Variants in COL12A1 observed in about 807,000 individuals in gnomAD.
COL12A1 encodes collagen type XII alpha 1 chain.
In COL12A1, 114 loss-of-function variants were observed where a neutral mutation model predicts 349.7. The ratio of observed to expected loss-of-function variants is 0.33; its 90% CI spans 0.28 to 0.38. The LOEUF is 0.38. COL12A1 is among the 10% of genes least tolerant of loss of function. COL12A1 has a pLI of 1.00. For missense variants in COL12A1, 3,284 were observed against 3,756.9 expected (o/e 0.87, Z 3.29); for synonymous variants, 1,369 against 1,329.0 (o/e 1.03, Z -0.66).
In COL12A1 at chr6:75,191,762, T is replaced by G; in HGVS notation, c.335-2A>C. On this transcript the variant is annotated splice_acceptor_variant, in intron 4 of 65. Coordinates refer to ENST00000322507, the MANE Select transcript of COL12A1 (RefSeq NM_004370.6). LOFTEE classifies it high-confidence loss of function. Reference sequence around the variant, plus strand: ...GCTTTGTCGAACTACCTGTTTGAACTAAGTTAAAACTTTATTATTACAAAA... The same window carrying G: ...GCTTTGTCGAACTACCTGTTTGAACGAAGTTAAAACTTTATTATTACAAAA... The G allele has an allele frequency of 1.3e-6, 2 of 1,588,222 alleles. No individual in the cohort carries two copies. The highest frequency in any genetic ancestry group is 1.7e-6 in the Non-Finnish European group (2 of 1,166,830).
intron 14 of COL12A1, among the ~76,000 whole-genome samples, chr6:75,158,078 C>A (rs899652713): frequency 2.0e-5 from 3 of 152,074 alleles, no homozygotes; most frequent in Non-Finnish European, 4.4e-5. Context: ...TTCACAAAAT[C>A]TGACATCTAA....
At chr6:75,188,933 G>A (rs569928009) in intron 7 of COL12A1, among the ~76,000 whole-genome samples, 4 of 152,172 alleles carry the variant, frequency 2.6e-5, no homozygotes, top group South Asian at 2.1e-4. Flanking sequence ...ATACAAGGAG[G>A]ATCTTTATTA....
chr6:75,134,868 G>A lies in COL12A1; in HGVS notation c.5395-13C>T. ...CTCCTATTGTGGTCTTGAGTAAAAAGGGTCTTGGTAAGTGTCAGCCTTGCT... is the reference window on the plus strand; with the variant it reads ...CTCCTATTGTGGTCTTGAGTAAAAAAGGTCTTGGTAAGTGTCAGCCTTGCT... On this transcript the variant is annotated splice_polypyrimidine_tract_variant and intron_variant, in intron 31 of 65. Transcript: ENST00000322507. 1 of 1,607,334 alleles carries A rather than the reference G, an allele frequency of 6.2e-7. No homozygotes were observed. Among genetic ancestry groups the A allele is most frequent in the Non-Finnish European group, 8.5e-7 (1 of 1,175,648 alleles).
In COL12A1 at chr6:75,183,506, T is replaced by A. The variant is rs1400932329; in HGVS notation, c.1435A>T (p.Ile479Phe). ...SFEISPNRVQ[I>F]SLVQYSRDPH... ...TCCCGGCTGTATTGCACAAGACTAA[T>A]CTGGACCCTATTTGGTGAAATTTCA... Residue 479 changes from isoleucine (I) to phenylalanine (F), a missense_variant, in exon 10 of 66, where the codon ATT (isoleucine) becomes TTT (phenylalanine). Physicochemically the swap from Ile to Phe is conservative, Grantham distance 21 (BLOSUM62 0). This residue lies in a region of COL12A1 where 2,601 missense variants were observed against 2,824.8 expected (regional missense o/e 0.92). Transcript: ENST00000322507. 6.2e-7 allele frequency: 1 copy of A among 1,614,078 alleles called. No homozygotes were observed. Among genetic ancestry groups the A allele is most frequent in the South Asian group, 1.1e-5 (1 of 91,088 alleles).
chr6:75,203,006 G>A (rs543495169), intron 1 of COL12A1, among the ~76,000 whole-genome samples, 179 bp from the exon 2 acceptor site: 2 of 152,338 alleles, frequency 1.3e-5, no homozygotes, highest in East Asian at 1.9e-4. Flanking sequence ...GTCTACAGAA[G>A]TTTAATCATG....
chr6:75,137,674 C>A, intron 30 of COL12A1, 95 bp from the exon 31 acceptor site: 1 of 1,314,218 alleles, frequency 7.6e-7, no homozygotes, highest in Admixed American at 2.3e-5. Flanking sequence ...GAATTCTATG[C>A]CTCTGGGTTT....
At chr6:75,146,019 T>G in intron 24 of COL12A1, 83 bp downstream of exon 24, 1 of 1,339,516 alleles carries the variant, frequency 7.5e-7, no homozygotes, top group Non-Finnish European at 9.9e-7. Context: ...TAAATGAGTT[T>G]GTAAGTAACT....
At chr6:75,205,500 C>T (rs1278915887) in intron 1 of COL12A1, among the ~76,000 whole-genome samples, 1 of 152,012 alleles carries the variant, frequency 6.6e-6, no homozygotes, top group African/African-American at 2.4e-5. Context: ...GATGAAACTC[C>T]TCTAGAAACG....
At chr6:75,184,585 C>A (rs1182662372) in intron 8 of COL12A1, among the ~76,000 whole-genome samples, 1 of 152,082 alleles carries the variant, frequency 6.6e-6, no homozygotes, top group Non-Finnish European at 1.5e-5. Flanking sequence ...TTAAAAGATA[C>A]TTTATAATAT....
chr6:75,199,208 T>G (rs1390007899), intron 2 of COL12A1, among the ~76,000 whole-genome samples: 1 of 152,146 alleles, frequency 6.6e-6, no homozygotes, highest in African/African-American at 2.4e-5. Context: ...ACTAGAAGAC[T>G]GGGGTCTTGT....
rs767244546 is a variant in COL12A1 at position 75,175,065 on chromosome 6, G to C, written c.2683C>G (p.Leu895Val). Reference protein sequence around the residue: ...ALYASGAGDALFGEGTTLEER... With the variant: ...ALYASGAGDAVFGEGTTLEER... Reference sequence around the variant, plus strand: ...TCAAGTGTTGTTCCTTCACCAAAGAGGGCGTCTCCAGCCCCAGACGCATAC... The same window carrying C: ...TCAAGTGTTGTTCCTTCACCAAAGACGGCGTCTCCAGCCCCAGACGCATAC... Residue 895 changes from leucine to valine, a missense_variant, in exon 13 of 66, where the codon CTC (leucine) becomes GTC (valine). Leu to Val is a conservative substitution (Grantham distance 32, BLOSUM62 1). Around this residue, in one of 2 missense-constraint regions of COL12A1, gnomAD observed 2,601 missense variants for 2,824.8 expected, o/e 0.92. Transcript: ENST00000322507. The C allele has an allele frequency of 5.6e-6, 9 of 1,614,072 alleles. No individual in the cohort carries two copies. The highest frequency in any genetic ancestry group is 6.8e-6 in the Non-Finnish European group (8 of 1,179,992).
rs891135344 is a variant in COL12A1 at position 75,133,285 on chromosome 6, T to C, written c.5794+8A>G. 4 of 1,567,884 alleles carry C rather than the reference T, an allele frequency of 2.6e-6. No individual in the cohort carries two copies. The highest frequency in any genetic ancestry group is 1.4e-5 in the African/African-American group (1 of 72,764). ...ATGAAAAATTAATTTTTTGGCTTTA[T>C]TACTTACATGTCCTTCCAGTATCTG... is the stretch of plus-strand genomic sequence containing the variant. On this transcript the variant is annotated splice_region_variant and intron_variant, in intron 34 of 65. Transcript: ENST00000322507.
At chr6:75,155,957 A>G (rs1767735909) in intron 15 of COL12A1, 103 bp from the exon 16 acceptor site, 1 of 1,219,984 alleles carries the variant, frequency 8.2e-7, no homozygotes, top group African/African-American at 1.5e-5. Flanking sequence ...AAAGGGTTTA[A>G]GTCCGGTAGC....
At chr6:75,192,580 T>C (rs1035156946) in intron 3 of COL12A1, among the ~76,000 whole-genome samples, 5 of 152,164 alleles carry the variant, frequency 3.3e-5, no homozygotes, top group African/African-American at 9.6e-5. Flanking sequence ...TCATATTTAA[T>C]ACTTGTTTGA....
chr6:75,144,404 G>A lies in COL12A1; in HGVS notation c.4690+922C>T, dbSNP rs187716915. Among the ~76,000 whole-genome samples the A allele has an allele frequency of 2.3e-3, 345 of 152,262 alleles. 3 individuals are homozygous for A. Among genetic ancestry groups the A allele is most frequent in the Non-Finnish European group, 7.4e-4 (50 of 68,024 alleles). On this transcript the variant is annotated intron_variant, in intron 25 of 65. Coordinates refer to ENST00000322507, the MANE Select transcript of COL12A1 (RefSeq NM_004370.6). Reference sequence around the variant, plus strand: ...ATTTACACTAACCCATCCTGTAGGGGATCTTTCTCTTCTCTGCCCCATCAT... The same window carrying A: ...ATTTACACTAACCCATCCTGTAGGGAATCTTTCTCTTCTCTGCCCCATCAT...
chr6:75,190,193 T>A (rs936500948), intron 5 of COL12A1, among the ~76,000 whole-genome samples: 7 of 151,976 alleles, frequency 4.6e-5, no homozygotes, highest in Non-Finnish European at 8.8e-5. Flanking sequence ...TTATAAAACA[T>A]TTAGGAGTCA....
At chr6:75,174,706 T>G (rs1389485980) in intron 13 of COL12A1, among the ~76,000 whole-genome samples, 1 of 152,190 alleles carries the variant, frequency 6.6e-6, no homozygotes, top group Non-Finnish European at 1.5e-5. Context: ...AAACCTTTTT[T>G]CATAGATGTT....
chr6:75,141,122 G>T (rs1766872365), intron 27 of COL12A1, among the ~76,000 whole-genome samples: 1 of 152,038 alleles, frequency 6.6e-6, no homozygotes, highest in Admixed American at 6.6e-5. Flanking sequence ...CTTTTTTAAT[G>T]TGGACACCAG....
chr6:75,123,358 GGGA>G lies in COL12A1; in HGVS notation c.6915_6917del (p.Pro2308del), dbSNP rs745810321. The G allele has an allele frequency of 2.2e-5, 35 of 1,607,594 alleles. No homozygotes were observed. Among genetic ancestry groups the G allele is most frequent in the Non-Finnish European group, 3.0e-5 (35 of 1,176,894 alleles). ...CCCGGGCTGGTGGAATGGTGGGAGG[GGGA>G]GGAGGTGTGGGTGGCTCTGTAGGGG... On this transcript the variant is annotated inframe_deletion, in exon 43 of 66. Transcript: ENST00000322507.
Sources: allele counts gnomAD v4.1 joint callset (sites outside exome capture counted in the v4.1 genomes callset), GRCh38; gene constraint gnomAD v4.1.1; regional missense constraint gnomAD v4.1.1; transcripts MANE v1.5; gene names NCBI Gene and HGNC (gene_info 2026-07-23, HGNC 2026-07-21).